Variants in KCNC2 observed in about 807,000 individuals in gnomAD.
The protein encoded by KCNC2 is potassium voltage-gated channel subfamily C member 2, also known as voltage-gated potassium channel KCNC2.
KCNC2 carries 21 observed loss-of-function variants against 44.5 expected under a neutral mutation model. That is an observed-to-expected ratio of 0.47 (90% CI 0.33 to 0.68). KCNC2 has a LOEUF of 0.68. Ranked by LOEUF, KCNC2 falls within the 30% of genes least tolerant of loss-of-function variation. The pLI, the probability that KCNC2 is intolerant of heterozygous loss-of-function variation, is 0.01. For synonymous variants in KCNC2, 391 were observed against 339.1 expected, an observed-to-expected ratio of 1.15 and a Z score of -1.68; for missense variants, 589 against 826.2, an observed-to-expected ratio of 0.71 and a Z score of 3.52.
intron 1 of KCNC2, among the ~76,000 whole-genome samples, chr12:75,208,993 G>A (rs986589101): frequency 4.6e-5 from 7 of 152,046 alleles, no homozygotes; most frequent in Admixed American, 1.3e-4. Context: ...GAGGCTCGGG[G>A]AAAAGCTGCT....
chr12:75,071,399 A>G (rs1883385205), intron 2 of KCNC2, among the ~76,000 whole-genome samples: 1 of 152,164 alleles, frequency 6.6e-6, no homozygotes, highest in African/African-American at 2.4e-5. Flanking sequence ...GTTTTTCACA[A>G]TCTTTAATGT....
intron 2 of KCNC2, among the ~76,000 whole-genome samples, chr12:75,180,465 T>C (rs1892501209): frequency 6.6e-6 from 1 of 151,876 alleles, no homozygotes. Context: ...TTAGTTCCAA[T>C]CAAGTTTTAT....
At chr12:75,102,241 C>A (rs1266016617) in intron 2 of KCNC2, among the ~76,000 whole-genome samples, 1 of 151,844 alleles carries the variant, frequency 6.6e-6, no homozygotes, top group African/African-American at 2.4e-5. Context: ...GCATAAGAAT[C>A]AGGAGAGAAG....
intron 2 of KCNC2, among the ~76,000 whole-genome samples, chr12:75,077,076 T>A (rs572835535): frequency 1.4e-4 from 22 of 152,286 alleles, no homozygotes; most frequent in African/African-American, 5.1e-4. Flanking sequence ...GTAAAGCAGA[T>A]TAACATATTC....
At chr12:75,171,063 C>G (rs370082757) in intron 2 of KCNC2, among the ~76,000 whole-genome samples, 33 of 82,502 alleles carry the variant, frequency 4.0e-4, no homozygotes, top group African/African-American at 3.9e-3. Flanking sequence ...CTTACTCCTT[C>G]AAAGCCAGCA....
intron 2 of KCNC2, among the ~76,000 whole-genome samples, chr12:75,143,565 T>C (rs569486624): frequency 1.2e-4 from 19 of 152,314 alleles, no homozygotes; most frequent in African/African-American, 4.6e-4. Flanking sequence ...ACATGCCTGT[T>C]ATTAAAATAA....
At chr12:75,056,341 C>G (rs1350293265) in intron 2 of KCNC2, among the ~76,000 whole-genome samples, 3 of 151,824 alleles carry the variant, frequency 2.0e-5, no homozygotes, top group Non-Finnish European at 4.4e-5. Flanking sequence ...AGGCTCATCT[C>G]TATTTTGTAA....
chr12:75,189,755 T>A (rs992688384), intron 2 of KCNC2, among the ~76,000 whole-genome samples: 4 of 152,156 alleles, frequency 2.6e-5, no homozygotes, highest in African/African-American at 9.7e-5. Flanking sequence ...ATGTTGTCTA[T>A]CTTCATTCTA....
At chr12:75,176,332 C>T (rs1892179899) in intron 2 of KCNC2, among the ~76,000 whole-genome samples, 1 of 152,028 alleles carries the variant, frequency 6.6e-6, no homozygotes, top group Non-Finnish European at 1.5e-5. Flanking sequence ...CCACAACGTC[C>T]TCCCTGGTGT....
intron 2 of KCNC2, among the ~76,000 whole-genome samples, chr12:75,075,227 T>C (rs1883814039): frequency 6.6e-6 from 1 of 152,074 alleles, no homozygotes; most frequent in Non-Finnish European, 1.5e-5. Flanking sequence ...TACATCATCA[T>C]TTTTAAAAAA....
chr12:75,072,758 C>T (rs1883545632), intron 2 of KCNC2, among the ~76,000 whole-genome samples: 2 of 152,210 alleles, frequency 1.3e-5, no homozygotes, highest in South Asian at 4.2e-4. Context: ...TTTCTCTTGT[C>T]AGTTTAAATC....
At chr12:75,152,533 T>C (rs1362481086) in intron 2 of KCNC2, among the ~76,000 whole-genome samples, 10 of 151,960 alleles carry the variant, frequency 6.6e-5, no homozygotes. Flanking sequence ...CTAAAGGAAA[T>C]TTTTATTTAT....
At position 75,048,874 on chromosome 12, in the gene KCNC2, G is replaced by T. The variant is rs1880854613; in HGVS notation, c.1616-557C>A. On this transcript the variant is annotated intron_variant, in intron 3 of 4. Transcript: ENST00000549446. ...TATTTTTGAGCATGCAGTGGAACAA[G>T]GCCAACTTCTCCAAATGTCCTTGAA... 2.0e-5 allele frequency among the ~76,000 whole-genome samples: 3 copies of T among 152,072 alleles called. No individual in the cohort carries two copies. In the South Asian group the frequency reaches 6.2e-4, roughly 31 times the overall value.
rs374594904 is a variant in KCNC2, at chr12:75,042,259, G to A, written c.*846C>T. The A allele has an allele frequency of 2.5e-6, 4 of 1,603,214 alleles. No homozygotes were observed. Among genetic ancestry groups the A allele is most frequent in the Non-Finnish European group, 1.7e-6 (2 of 1,175,268 alleles). ...AAGCAGCAATTTCTGGCTAAACAATGCAAGCCTGGCTGGCAGTTACCTTTC... is the reference window on the plus strand; with the variant it reads ...AAGCAGCAATTTCTGGCTAAACAATACAAGCCTGGCTGGCAGTTACCTTTC... On this transcript the variant is annotated 3_prime_UTR_variant, in exon 5 of 5. Coordinates refer to ENST00000549446, the MANE Select transcript of KCNC2 (RefSeq NM_139137.4).
chr12:75,148,520 C>A (rs895066930), intron 2 of KCNC2, among the ~76,000 whole-genome samples: 1 of 151,850 alleles, frequency 6.6e-6, no homozygotes, highest in Non-Finnish European at 1.5e-5. Context: ...TTATTTTCTT[C>A]TTATTTTAGT....
At chr12:75,164,719 C>G (rs1891333743) in intron 2 of KCNC2, among the ~76,000 whole-genome samples, 1 of 151,616 alleles carries the variant, frequency 6.6e-6, no homozygotes, top group Admixed American at 6.6e-5. Flanking sequence ...ATTTCTCTTT[C>G]CAAATCTATT....
At chr12:75,177,224 T>C (rs1471502422) in intron 2 of KCNC2, among the ~76,000 whole-genome samples, 3 of 151,694 alleles carry the variant, frequency 2.0e-5, no homozygotes, top group Non-Finnish European at 4.4e-5. Context: ...TTTAATAAAA[T>C]CTGATCCATT....
At chr12:75,093,494 T>C (rs1395805948) in intron 2 of KCNC2, among the ~76,000 whole-genome samples, 2 of 151,664 alleles carry the variant, frequency 1.3e-5, no homozygotes, top group African/African-American at 4.8e-5. Flanking sequence ...CATGCATCAA[T>C]GGGATATTAA....
chr12:75,198,670 G>T (rs774251047), intron 2 of KCNC2, among the ~76,000 whole-genome samples: 2 of 151,680 alleles, frequency 1.3e-5, no homozygotes, highest in South Asian at 4.2e-4. Context: ...CATCATTTCC[G>T]GTACAATTAT....
Sources: gnomAD v4.1 joint callset for allele counts (sites outside exome capture counted in the v4.1 genomes callset) on GRCh38, gnomAD v4.1.1 for gene constraint, MANE v1.5 for transcripts, NCBI Gene and HGNC (gene_info 2026-07-23, HGNC 2026-07-21) for gene names.